Variants in SMG1 observed in about 807,000 individuals in gnomAD.
The protein encoded by SMG1 is serine/threonine-protein kinase SMG1.
Under a neutral mutation model 419.9 loss-of-function variants are expected in SMG1, and 22 were observed. The observed-to-expected ratio is 0.05, with a 90% CI of 0.04 to 0.07. The LOEUF (loss-of-function observed/expected upper bound fraction) is 0.07, where lower values mean the gene tolerates loss of function less well. Among genes scored for constraint, SMG1 ranks in the 10% least tolerant of loss-of-function variants. SMG1 has a pLI of 1.00. For synonymous variants in SMG1, 1,538 were observed against 1,553.5 expected (o/e 0.99, Z 0.23); for missense variants, 3,185 against 4,342.0 (o/e 0.73, Z 7.49).
intron 51 of SMG1, 123 bp from the exon 52 acceptor site, chr16:18,830,492 G>A (rs1306110836): frequency 8.6e-7 from 1 of 1,160,086 alleles, no homozygotes; most frequent in Non-Finnish European, 1.2e-6. Flanking sequence ...CTGGCATTAA[G>A]AAGAAGTGTT....
chr16:18,829,887 A>G (rs2033046680), intron 53 of SMG1, 39 bp downstream of exon 53: 1 of 1,479,898 alleles, frequency 6.8e-7, no homozygotes, highest in African/African-American at 1.4e-5. Context: ...CCATAGTGCT[A>G]CATAGCTAAA....
chr16:18,807,868 T>C lies in SMG1; in HGVS notation c.*1701A>G, dbSNP rs922323238. 3 of 152,192 alleles carry C rather than the reference T, an allele frequency of 2.0e-5. No homozygotes were observed. Among genetic ancestry groups the C allele is most frequent in the African/African-American group, 7.2e-5 (3 of 41,430 alleles). The allele number at this position is 152,192 out of a possible 1,614,324, so 9.4% of individuals were successfully genotyped here. A position where few individuals can be genotyped will look rare whatever the true frequency, so the allele number is the denominator to read the frequency against. On this transcript the variant is annotated 3_prime_UTR_variant, in exon 63 of 63. Transcript: ENST00000446231. Reference sequence around the variant, plus strand: ...TCCGCCTCCTGGGTTCACGCCATTCTCCTGCCTCAGCCTCCCGAGTAGCTG... The same window carrying C: ...TCCGCCTCCTGGGTTCACGCCATTCCCCTGCCTCAGCCTCCCGAGTAGCTG...
At chr16:18,852,540 C>T (rs369857874) in intron 31 of SMG1, 78 bp from the exon 32 acceptor site, 3 of 1,261,742 alleles carry the variant, frequency 2.4e-6, no homozygotes, top group South Asian at 2.2e-5. Flanking sequence ...ACGACATTTC[C>T]ATTAGCATTT....
intron 1 of SMG1, among the ~76,000 whole-genome samples, chr16:18,902,770 CATCTT>C (rs2037399586): frequency 6.6e-6 from 1 of 151,666 alleles, no homozygotes; most frequent in Non-Finnish European, 1.5e-5. Flanking sequence ...ATGCAAGGGT[CATCTT>C]ATGGACTGGA....
chr16:18,924,837 T>C (rs1034310748), intron 1 of SMG1: 2 of 152,204 alleles, frequency 1.3e-5, no homozygotes, highest in Non-Finnish European at 2.9e-5. Flanking sequence ...CTAACGAGTC[T>C]TCAAATGTTA....
rs1280122378 is a variant in SMG1 at position 18,887,792 on chromosome 16, A to C, written c.822+1580T>G. Among the ~76,000 whole-genome samples the C allele has an allele frequency of 8.5e-5, 10 of 118,280 alleles. No homozygotes were observed. The East Asian group carries it at 1.2e-3, about 15-fold the overall frequency. 77.6% of individuals were successfully genotyped at this position (118,280 alleles called of 152,430 possible). On this transcript the variant is annotated intron_variant, in intron 6 of 62. Coordinates refer to ENST00000446231, the MANE Select transcript of SMG1 (RefSeq NM_015092.5). ...AAAAAAAAAAAAAAAAAAAAAAAAA[A>C]AAAAAAACCCTAATATCAGATATTC...
At chr16:18,921,777 CT>C (rs1251037520) in intron 1 of SMG1, among the ~76,000 whole-genome samples, 1 of 152,240 alleles carries the variant, frequency 6.6e-6, no homozygotes, top group African/African-American at 2.4e-5. Context: ...ATCAGACATA[CT>C]AGTATACAGC....
chr16:18,884,907 C>G, intron 8 of SMG1, 183 bp downstream of exon 8: 1 of 595,108 alleles, frequency 1.7e-6, no homozygotes, highest in Non-Finnish European at 3.0e-6. Flanking sequence ...ACTGTACCCA[C>G]CTACTAGTAA....
chr16:18,886,323 G>A (rs1596597097), intron 6 of SMG1, among the ~76,000 whole-genome samples: 1 of 152,130 alleles, frequency 6.6e-6, no homozygotes, highest in East Asian at 1.9e-4. Flanking sequence ...ATAACATGCA[G>A]GCTCAGGTTA....
At chr16:18,915,718 C>A (rs995147033) in intron 1 of SMG1, among the ~76,000 whole-genome samples, 5 of 152,032 alleles carry the variant, frequency 3.3e-5, no homozygotes, top group Admixed American at 2.0e-4. Flanking sequence ...CATATCTGTA[C>A]CTTGACTGAG....
chr16:18,882,258 T>C lies in SMG1; in HGVS notation c.1200A>G (p.Ala400=), dbSNP rs189455389. Residue 400 remains alanine, a synonymous_variant, in exon 10 of 63, where the codon GCA becomes GCG. Transcript: ENST00000446231. ...PPSVSLPKLA[A]LLRVFSTVVR... is the part of the protein sequence containing the mutation. Reference sequence around the variant, plus strand: ...CCACAGTACTAAATACCCGGAGAAGTGCAGCCAGCTTTGGTAATGACACTG... The same window carrying C: ...CCACAGTACTAAATACCCGGAGAAGCGCAGCCAGCTTTGGTAATGACACTG... The C allele has an allele frequency of 1.5e-3, 2,347 of 1,609,360 alleles. 61 individuals carry two copies. In the Admixed American group the frequency reaches 0.037, roughly 25 times the overall value.
At chr16:18,815,775 A>T in intron 58 of SMG1, 124 bp from the exon 59 acceptor site, 1 of 701,402 alleles carries the variant, frequency 1.4e-6, no homozygotes, top group Non-Finnish European at 2.2e-6. Flanking sequence ...TGCTTAGTTC[A>T]ACTCCATTTT....
intron 60 of SMG1, among the ~76,000 whole-genome samples, chr16:18,814,803 C>T (rs1179480824): frequency 1.3e-5 from 2 of 151,176 alleles, no homozygotes; most frequent in Non-Finnish European, 1.5e-5. Context: ...GTCTCAAACA[C>T]CTGACCTTAG....
At position 18,876,110 on chromosome 16, in the gene SMG1, A is replaced by T. The variant is rs1199167039; in HGVS notation, c.1890+14T>A. On this transcript the variant is annotated intron_variant, in intron 13 of 62. Coordinates refer to ENST00000446231, the MANE Select transcript of SMG1 (RefSeq NM_015092.5). Reference sequence around the variant, plus strand: ...ACTGTGGATAAAACAAAGTCATTACAATTAAAGACTCACCCCTATTAGTGA... The same window carrying T: ...ACTGTGGATAAAACAAAGTCATTACTATTAAAGACTCACCCCTATTAGTGA... 1 of 1,611,094 alleles carries T rather than the reference A, an allele frequency of 6.2e-7. No homozygotes were observed. The highest frequency in any genetic ancestry group is 1.1e-5 in the South Asian group (1 of 90,950).
At chr16:18,817,166 C>G (rs1409266037) in intron 57 of SMG1, 125 bp downstream of exon 57, 3 of 625,118 alleles carry the variant, frequency 4.8e-6, no homozygotes, top group Non-Finnish European at 7.0e-6. Context: ...TGTCCCCCCG[C>G]CCCCCTAACA....
rs201837889 is a variant in SMG1 at position 18,843,597 on chromosome 16, CAT to C, written c.6220-1145_6220-1144del. Among the ~76,000 whole-genome samples, 3 of 152,146 alleles carry C rather than the reference CAT, an allele frequency of 2.0e-5. No individual in the cohort carries two copies. The East Asian group carries it at 5.8e-4, about 29-fold the overall frequency. On this transcript the variant is annotated intron_variant, in intron 39 of 62. Coordinates refer to ENST00000446231, the MANE Select transcript of SMG1 (RefSeq NM_015092.5). ...ACAAAAGAATAAATTGTGGTATTTT[CAT>C]ATAATAGATCATTGTTTAGCTACAC...
At chr16:18,866,279 A>T (rs866071479) in intron 23 of SMG1, 5 of 331,322 alleles carry the variant, frequency 1.5e-5, no homozygotes, top group African/African-American at 4.3e-5. Context: ...TAGAGTTCAC[A>T]GGACTAATGA....
chr16:18,883,022 G>T (rs1168316903), intron 9 of SMG1, among the ~76,000 whole-genome samples: 21 of 152,108 alleles, frequency 1.4e-4, no homozygotes, highest in Admixed American at 1.4e-3. Flanking sequence ...AGGTGTGGGG[G>T]CAAAGAAAAA....
Position 18,879,568 on chromosome 16 carries a change from C to T in SMG1, c.1445G>A (p.Gly482Glu). Residue 482 changes from glycine (G) to glutamate (E), a missense_variant, in exon 11 of 63, where the codon GGA becomes GAA. Coordinates refer to ENST00000446231, the MANE Select transcript of SMG1 (RefSeq NM_015092.5). ...CTGGCAATTCTCCAGTTGGTCTAAT[C>T]CATATGTAATGACCATGTCACAATG... is the stretch of plus-strand genomic sequence containing the variant. ...TIHCDMVITY[G>E]LDQLENCQTC... 7.7e-7 allele frequency: 1 copy of T among 1,297,282 alleles called. No individual in the cohort carries two copies. Among genetic ancestry groups the T allele is most frequent in the Non-Finnish European group, 1.1e-6 (1 of 928,612 alleles). 80.4% of individuals were successfully genotyped at this position (1,297,282 alleles called of 1,614,324 possible).
Sources: gnomAD v4.1 joint callset for allele counts (sites outside exome capture counted in the v4.1 genomes callset) on GRCh38, gnomAD v4.1.1 for gene constraint, MANE v1.5 for transcripts, NCBI Gene and HGNC (gene_info 2026-07-23, HGNC 2026-07-21) for gene names.